The following PPME1 variants were observed in gnomAD, a reference collection of about 807,000 sequenced individuals.
PPME1 encodes the protein protein phosphatase methylesterase 1.
In PPME1, 17 loss-of-function variants were observed where a neutral mutation model predicts 56.9. The observed-to-expected ratio is 0.30, with a 90% CI of 0.20 to 0.45. The LOEUF (loss-of-function observed/expected upper bound fraction) is 0.45, where lower values mean the gene tolerates loss of function less well. PPME1 is among the 20% of genes least tolerant of loss of function. PPME1 has a pLI of 1.00. For synonymous variants in PPME1, 122 were observed against 156.2 expected, an observed-to-expected ratio of 0.78 and a Z score of 1.63; for missense variants, 357 against 483.2, an observed-to-expected ratio of 0.74 and a Z score of 2.45.
intron 1 of PPME1, among the ~76,000 whole-genome samples, chr11:74,175,187 A>G (rs375741012): frequency 1.2e-4 from 18 of 152,286 alleles, no homozygotes; most frequent in Admixed American, 3.9e-4. Flanking sequence ...TCATTATTCA[A>G]CGTGTTTTTG....
chr11:74,217,563 A>T (rs28851815), intron 3 of PPME1, among the ~76,000 whole-genome samples: 2 of 140,388 alleles, frequency 1.4e-5, no homozygotes, highest in Non-Finnish European at 1.6e-5. Context: ...AAAAAAAAAA[A>T]GGAAAAAGAT....
intron 12 of PPME1, 187 bp downstream of exon 12, chr11:74,251,205 T>C: frequency 7.0e-7 from 1 of 1,427,012 alleles, no homozygotes; most frequent in African/African-American, 1.4e-5. Context: ...TTTGTGTATA[T>C]GTGCTGAGGA....
chr11:74,186,971 T>A (rs929194374), intron 1 of PPME1, among the ~76,000 whole-genome samples: 35 of 152,218 alleles, frequency 2.3e-4, no homozygotes, highest in Admixed American at 1.9e-3. Flanking sequence ...CATGTGGATA[T>A]CCAGTTATCC....
intron 1 of PPME1, among the ~76,000 whole-genome samples, chr11:74,202,821 A>G (rs1354120936): frequency 6.6e-6 from 1 of 152,168 alleles, no homozygotes; most frequent in African/African-American, 2.4e-5. Context: ...TCATTTCCCA[A>G]TCATACTTTC....
chr11:74,227,032 TCTG>T (rs887614441), intron 5 of PPME1, among the ~76,000 whole-genome samples: 2 of 152,122 alleles, frequency 1.3e-5, no homozygotes, highest in Non-Finnish European at 2.9e-5. Context: ...CTGACAGAAT[TCTG>T]CCCTCTAGGG....
At chr11:74,201,846 G>T (rs571212940) in intron 1 of PPME1, among the ~76,000 whole-genome samples, 1 of 152,112 alleles carries the variant, frequency 6.6e-6, no homozygotes, top group Non-Finnish European at 1.5e-5. Flanking sequence ...CCATGTTATC[G>T]TTATAATCAA....
At chr11:74,196,587 C>A (rs946590635) in intron 1 of PPME1, among the ~76,000 whole-genome samples, 8 of 152,070 alleles carry the variant, frequency 5.3e-5, no homozygotes, top group African/African-American at 9.7e-5. Context: ...GTTCTTGGAT[C>A]TCACTCAAGA....
chr11:74,173,832 G>C (rs1293886789), intron 1 of PPME1, among the ~76,000 whole-genome samples: 1 of 152,178 alleles, frequency 6.6e-6, no homozygotes, highest in African/African-American at 2.4e-5. Flanking sequence ...GTGAGCTACT[G>C]TGCCTGGACA....
intron 12 of PPME1, 49 bp from the exon 13 acceptor site, chr11:74,251,599 G>A (rs1859665005): frequency 6.2e-7 from 1 of 1,600,028 alleles, no homozygotes; most frequent in South Asian, 1.1e-5. Context: ...CCAAGGCTAA[G>A]CCCCATCACT....
chr11:74,204,562 G>T (rs1858276130), intron 3 of PPME1, 117 bp downstream of exon 3: 2 of 804,200 alleles, frequency 2.5e-6, no homozygotes, highest in Non-Finnish European at 4.1e-6. Flanking sequence ...GCTATTCCAG[G>T]CATACACACA....
chr11:74,240,619 A>G (rs571663780), intron 9 of PPME1, among the ~76,000 whole-genome samples: 6 of 152,348 alleles, frequency 3.9e-5, no homozygotes, highest in African/African-American at 1.4e-4. Context: ...TCTTCTTGCC[A>G]TCTTTAAAAC....
intron 11 of PPME1, chr11:74,249,726 C>T (rs2135682424): frequency 6.6e-6 from 1 of 152,286 alleles, no homozygotes; most frequent in Admixed American, 6.5e-5. Flanking sequence ...TGACACACTC[C>T]TGGGGAGGCA....
chr11:74,203,303 G>C (rs1054956921), intron 1 of PPME1, among the ~76,000 whole-genome samples: 1 of 152,144 alleles, frequency 6.6e-6, no homozygotes, highest in Non-Finnish European at 1.5e-5. Flanking sequence ...AGGAGTGATA[G>C]TGACCAAGAC....
At chr11:74,199,406 A>G (rs1411846710) in intron 1 of PPME1, among the ~76,000 whole-genome samples, 5 of 152,160 alleles carry the variant, frequency 3.3e-5, no homozygotes, top group Admixed American at 6.5e-5. Context: ...CCATTATCCT[A>G]TGTCAGTTCC....
intron 1 of PPME1, among the ~76,000 whole-genome samples, chr11:74,194,599 TATAA>T (rs1391049675): frequency 6.6e-6 from 1 of 151,400 alleles, no homozygotes; most frequent in African/African-American, 2.4e-5. Flanking sequence ...ACTATGATTG[TATAA>T]ATATAACATC....
At chr11:74,213,564 C>A (rs1294103969) in intron 3 of PPME1, among the ~76,000 whole-genome samples, 1 of 152,234 alleles carries the variant, frequency 6.6e-6, no homozygotes, top group Non-Finnish European at 1.5e-5. Flanking sequence ...TGACCCAGCA[C>A]AGTCCTAGTG....
chr11:74,213,555 G>T (rs1369639103), intron 3 of PPME1, among the ~76,000 whole-genome samples: 1 of 152,220 alleles, frequency 6.6e-6, no homozygotes, highest in African/African-American at 2.4e-5. Context: ...CTTCAGGTCT[G>T]ACCCAGCACA....
chr11:74,207,606 C>T (rs995715125), intron 3 of PPME1, among the ~76,000 whole-genome samples: 12 of 152,198 alleles, frequency 7.9e-5, no homozygotes, highest in Admixed American at 2.0e-4. Context: ...ATTGTAGTTG[C>T]TGCTACAGTA....
At chr11:74,188,323 A>G (rs2135600104) in intron 1 of PPME1, among the ~76,000 whole-genome samples, 1 of 151,214 alleles carries the variant, frequency 6.6e-6, no homozygotes, top group East Asian at 2.0e-4. Flanking sequence ...AGTAGCTGGG[A>G]TTACAGGCGC....
Sources: allele counts gnomAD v4.1 joint callset (sites outside exome capture counted in the v4.1 genomes callset), GRCh38; gene constraint gnomAD v4.1.1; transcripts MANE v1.5; gene names NCBI Gene and HGNC (gene_info 2026-07-23, HGNC 2026-07-21).